SH3GLB1: variants seen among roughly 807,000 people sequenced by gnomAD.
SH3GLB1 encodes endophilin-B1.
Under a neutral mutation model 42.0 loss-of-function variants are expected in SH3GLB1, and 17 were observed. The ratio of observed to expected loss-of-function variants is 0.40; its 90% CI spans 0.28 to 0.61. SH3GLB1 has a LOEUF of 0.61. SH3GLB1 is among the 20% of genes least tolerant of loss of function. The pLI is 0.36. For synonymous variants in SH3GLB1, 132 were observed against 146.6 expected (o/e 0.90, Z 0.72); for missense variants, 355 against 426.3 (o/e 0.83, Z 1.47).
rs1392401874 is a variant in SH3GLB1 at position 86,744,479 on chromosome 1, A to G, written c.*1244A>G. On this transcript the variant is annotated 3_prime_UTR_variant, in exon 9 of 9. Transcript: ENST00000370558. ...GTAGGATTCGTGGTGTGATGGGGAA[A>G]ATACAAGGTACTGTATTTGGGAGTC... The G allele has an allele frequency of 5.3e-5, 8 of 152,188 alleles. No homozygotes were observed. Among genetic ancestry groups the G allele is most frequent in the Admixed American group, 4.6e-4 (7 of 15,272 alleles). The allele number at this position is 152,188 out of a possible 1,614,324, so 9.4% of individuals were successfully genotyped here. A position where few individuals can be genotyped will look rare whatever the true frequency, so the allele number is the denominator to read the frequency against.
chr1:86,727,854 G>C (rs1359239188), intron 5 of SH3GLB1, among the ~76,000 whole-genome samples: 1 of 152,002 alleles, frequency 6.6e-6, no homozygotes, highest in African/African-American at 2.4e-5. Context: ...TTCCACAGCA[G>C]TGTAAATCTT....
At chr1:86,724,256 G>A (rs530222381) in intron 4 of SH3GLB1, 57 bp from the exon 5 acceptor site, 1 of 1,207,130 alleles carries the variant, frequency 8.3e-7, no homozygotes, top group African/African-American at 1.5e-5. Flanking sequence ...AAATGTGTAT[G>A]CTCTTAACAG....
chr1:86,733,659 G>T (rs745935035), intron 5 of SH3GLB1, among the ~76,000 whole-genome samples: 7 of 152,172 alleles, frequency 4.6e-5, no homozygotes, highest in African/African-American at 1.7e-4. Flanking sequence ...GGTTTGAGAA[G>T]ATGTTTTTTG....
chr1:86,742,175 G>T (rs762688116), intron 7 of SH3GLB1, 33 bp from the exon 8 acceptor site: 1 of 1,568,888 alleles, frequency 6.4e-7, no homozygotes, highest in Non-Finnish European at 8.8e-7. Flanking sequence ...TAGTCACTTG[G>T]AAATAAATAA....
intron 1 of SH3GLB1, among the ~76,000 whole-genome samples, chr1:86,710,989 G>A (rs751554708): frequency 3.9e-5 from 6 of 152,150 alleles, no homozygotes; most frequent in African/African-American, 7.2e-5. Flanking sequence ...AATCTTAGGG[G>A]TTGGATCAGA....
At chr1:86,725,399 ATATAAT>A (rs1169277330) in intron 5 of SH3GLB1, among the ~76,000 whole-genome samples, 1 of 152,170 alleles carries the variant, frequency 6.6e-6, no homozygotes, top group Non-Finnish European at 1.5e-5. Context: ...TATATATTAA[ATATAAT>A]TAAATTTTTC....
At chr1:86,715,886 T>G (rs764828073) in intron 2 of SH3GLB1, 21 bp downstream of exon 2, 1 of 1,600,360 alleles carries the variant, frequency 6.2e-7, no homozygotes, top group Non-Finnish European at 8.5e-7. Flanking sequence ...CTACCTCTTG[T>G]GTACCTTAAG....
Position 86,745,750 on chromosome 1 carries a change from G to A in SH3GLB1, c.*2515G>A, listed in dbSNP as rs1656270436. Reference sequence around the variant, plus strand: ...TGGTTTTGGCTTATTTTAAAGTCAAGTTTAGTTTTTACTCAGGTAAAGGCC... The same window carrying A: ...TGGTTTTGGCTTATTTTAAAGTCAAATTTAGTTTTTACTCAGGTAAAGGCC... On this transcript the variant is annotated 3_prime_UTR_variant, in exon 9 of 9. Coordinates refer to ENST00000370558, the MANE Select transcript of SH3GLB1 (RefSeq NM_016009.5). The A allele has an allele frequency of 2.6e-5, 4 of 152,158 alleles. No homozygotes were observed. Among genetic ancestry groups the A allele is most frequent in the Admixed American group, 2.6e-4 (4 of 15,278 alleles). The allele number at this position is 152,158 out of a possible 1,614,324, so 9.4% of individuals were successfully genotyped here.
At chr1:86,739,954 G>A (rs998276574) in intron 7 of SH3GLB1, among the ~76,000 whole-genome samples, 1 of 152,126 alleles carries the variant, frequency 6.6e-6, no homozygotes, top group East Asian at 1.9e-4. Context: ...AGATTAGCCT[G>A]GTCAATATGG....
Position 86,743,077 on chromosome 1 carries a change from CTTGT to C in SH3GLB1, c.991-48_991-45del, listed in dbSNP as rs1238779639. ...AAATACAAATCTGATTGGTTTTCTACTTGTTTATTTTTTTAATGTAGTTAATAAC... is the reference window on the plus strand; with the variant it reads ...AAATACAAATCTGATTGGTTTTCTACTTATTTTTTTAATGTAGTTAATAAC... On this transcript the variant is annotated intron_variant, in intron 8 of 8. Coordinates refer to ENST00000370558, the MANE Select transcript of SH3GLB1 (RefSeq NM_016009.5). 2.5e-5 allele frequency: 35 copies of C among 1,390,774 alleles called. No individual in the cohort carries two copies. In the Middle Eastern group the frequency reaches 5.4e-4, roughly 21 times the overall value. 86.2% of individuals were successfully genotyped at this position (1,390,774 alleles called of 1,614,324 possible).
chr1:86,725,705 A>C (rs1447535415), intron 5 of SH3GLB1, among the ~76,000 whole-genome samples: 1 of 152,110 alleles, frequency 6.6e-6, no homozygotes, highest in Non-Finnish European at 1.5e-5. Context: ...CTTGTTTGGG[A>C]GATAAAAAGG....
At chr1:86,710,555 G>A (rs867228715) in intron 1 of SH3GLB1, among the ~76,000 whole-genome samples, 1 of 152,166 alleles carries the variant, frequency 6.6e-6, no homozygotes, top group Admixed American at 6.5e-5. Context: ...ATGAGCCACC[G>A]TGCCTGGCCT....
In SH3GLB1 at chr1:86,704,851, C is replaced by A; in HGVS notation, c.-49C>A. On this transcript the variant is annotated 5_prime_UTR_variant, in exon 1 of 9. Transcript: ENST00000370558. ...GCGCCCCAGCCCGGCCGCGGCACCT[C>A]CGCCTCGCCGCCGCTAGGTCGGCCG... 10 of 1,384,412 alleles carry A rather than the reference C, an allele frequency of 7.2e-6. No individual in the cohort carries two copies. Among genetic ancestry groups the A allele is most frequent in the Non-Finnish European group, 9.9e-6 (10 of 1,014,474 alleles). The allele number at this position is 1,384,412 out of a possible 1,614,324, so 85.8% of individuals were successfully genotyped here.
intron 1 of SH3GLB1, among the ~76,000 whole-genome samples, chr1:86,714,916 G>A (rs1275728056): frequency 6.6e-6 from 1 of 152,172 alleles, no homozygotes; most frequent in African/African-American, 2.4e-5. Flanking sequence ...TATAGGCAGT[G>A]CTACCTTTTC....
intron 1 of SH3GLB1, among the ~76,000 whole-genome samples, chr1:86,711,197 G>A (rs1654190332): frequency 6.6e-6 from 1 of 151,982 alleles, no homozygotes; most frequent in Non-Finnish European, 1.5e-5. Context: ...GCATTAAATA[G>A]ATGTCTTTGA....
chr1:86,725,042 AAAC>A (rs1411831338), intron 5 of SH3GLB1, among the ~76,000 whole-genome samples: 2 of 149,798 alleles, frequency 1.3e-5, no homozygotes, highest in African/African-American at 2.4e-5. Context: ...TGCTGCTAAA[AAAC>A]AAAAATTATG....
intron 1 of SH3GLB1, among the ~76,000 whole-genome samples, chr1:86,707,467 G>A (rs1416336864): frequency 6.6e-6 from 1 of 152,146 alleles, no homozygotes; most frequent in East Asian, 1.9e-4. Flanking sequence ...GATTGGCTGT[G>A]AGGTATGAGA....
In SH3GLB1 at chr1:86,704,720, C is replaced by T. The variant is rs1653709323; in HGVS notation, c.-180C>T. The T allele has an allele frequency of 4.3e-6, 2 of 468,380 alleles. No individual in the cohort carries two copies. The highest frequency in any genetic ancestry group is 4.0e-5 in the East Asian group (1 of 25,300). 29.0% of individuals were successfully genotyped at this position (468,380 alleles called of 1,614,324 possible). A position where few individuals can be genotyped will look rare whatever the true frequency, so the allele number is the denominator to read the frequency against. The stretch of plus-strand genomic sequence containing the variant: ...CTGCCGCCGCGCGCTTGTTCTCCTC[C>T]CTCGCCCCGCCTTCATCCTCCCCGT... On this transcript the variant is annotated 5_prime_UTR_variant, in exon 1 of 9. Transcript: ENST00000370558.
chr1:86,719,531 A>G lies in SH3GLB1; in HGVS notation c.239A>G (p.Tyr80Cys), dbSNP rs1469962206. The G allele has an allele frequency of 3.7e-6, 6 of 1,610,448 alleles. No homozygotes were observed. The highest frequency in any genetic ancestry group is 3.4e-5 in the Admixed American group (2 of 59,534). The change falls in exon 3 of 9, where the codon TAT becomes TGT. Residue 80 changes from tyrosine to cysteine, a missense_variant. By Grantham distance (194) the Tyr-to-Cys change is radical. Transcript: ENST00000370558. Reference sequence around the variant, plus strand: ...GATGCCAGGATAGAAGAATTTGTTTATGAGAAACTGGATAGAAAAGCTCCA... The same window carrying G: ...GATGCCAGGATAGAAGAATTTGTTTGTGAGAAACTGGATAGAAAAGCTCCA... ...NPNARIEEFV[Y>C]EKLDRKAPSR... is the part of the protein sequence containing the mutation.
Sources: allele counts gnomAD v4.1 joint callset (sites outside exome capture counted in the v4.1 genomes callset), GRCh38; gene constraint gnomAD v4.1.1; transcripts MANE v1.5; gene names NCBI Gene and HGNC (gene_info 2026-07-23, HGNC 2026-07-21).